SDK1: variants seen among roughly 807,000 people sequenced by gnomAD.
SDK1 encodes sidekick cell adhesion molecule 1, also known as protein sidekick-1.
In SDK1, 157 loss-of-function variants were observed where a neutral mutation model predicts 245.5. The ratio of observed to expected loss-of-function variants is 0.64; its 90% CI spans 0.56 to 0.73. The LOEUF is 0.73. Among genes scored for constraint, SDK1 ranks in the 30% least tolerant of loss-of-function variants. The pLI is 0.00. For missense variants in SDK1, 3,583 were observed against 3,002.3 expected, an observed-to-expected ratio of 1.19 and a Z score of -4.52; for synonymous variants, 1,647 against 1,278.5, an observed-to-expected ratio of 1.29 and a Z score of -6.15.
chr7:3,406,292 G>A (rs539224931), intron 1 of SDK1, among the ~76,000 whole-genome samples: 28 of 152,228 alleles, frequency 1.8e-4, no homozygotes, highest in East Asian at 5.8e-4. Context: ...TTTAAAAACC[G>A]TCTATCTGTA....
chr7:3,875,033 C>G (rs1219986283), intron 5 of SDK1, among the ~76,000 whole-genome samples: 1 of 152,088 alleles, frequency 6.6e-6, no homozygotes, highest in Non-Finnish European at 1.5e-5. Flanking sequence ...GTCTGTGGGG[C>G]TTTATACACG....
At chr7:3,967,736 A>G (rs1488285672) in intron 10 of SDK1, among the ~76,000 whole-genome samples, 2 of 152,096 alleles carry the variant, frequency 1.3e-5, no homozygotes, top group African/African-American at 4.8e-5. Context: ...AGTTCACTGG[A>G]GGGTGTGCGT....
chr7:3,348,100 C>G (rs73048643), intron 1 of SDK1, among the ~76,000 whole-genome samples: 1 of 152,086 alleles, frequency 6.6e-6, no homozygotes, highest in African/African-American at 2.4e-5. Context: ...CTAAATGTCT[C>G]TCACCTCTAA....
At chr7:3,820,263 C>T (rs2115058727) in intron 4 of SDK1, among the ~76,000 whole-genome samples, 1 of 152,330 alleles carries the variant, frequency 6.6e-6, no homozygotes, top group East Asian at 1.9e-4. Flanking sequence ...GATTGTTCTG[C>T]CTCGGCCTCT....
chr7:4,165,461 A>G (rs1487730511), intron 32 of SDK1, among the ~76,000 whole-genome samples: 2 of 152,178 alleles, frequency 1.3e-5, no homozygotes, highest in African/African-American at 2.4e-5. Context: ...TCTTAGTAGG[A>G]CAGTCAATCC....
At chr7:3,676,348 C>T (rs1367890099) in intron 4 of SDK1, among the ~76,000 whole-genome samples, 14 of 131,910 alleles carry the variant, frequency 1.1e-4, no homozygotes, top group East Asian at 4.5e-4. Flanking sequence ...TTTTTTGAGA[C>T]GGAGTCTTGC....
intron 17 of SDK1, among the ~76,000 whole-genome samples, chr7:4,043,169 C>G (rs116282206): frequency 0.01 from 1,566 of 150,656 alleles, 24 homozygotes; most frequent in African/African-American, 0.028. Flanking sequence ...GAGTGAGTAT[C>G]ATAGCCAGGA....
At chr7:3,758,645 G>A (rs1780006535) in intron 4 of SDK1, among the ~76,000 whole-genome samples, 1 of 152,124 alleles carries the variant, frequency 6.6e-6, no homozygotes, top group African/African-American at 2.4e-5. Flanking sequence ...CACTTACTCT[G>A]CACTGTGAGA....
At chr7:4,231,573 CA>C (rs35027378) in intron 40 of SDK1, among the ~76,000 whole-genome samples, 263 of 87,462 alleles carry the variant, frequency 3.0e-3, no homozygotes, top group African/African-American at 6.7e-3. Context: ...GGCCCGGTCT[CA>C]AAAAAAAAAA....
At chr7:3,891,925 T>C (rs187741505) in intron 5 of SDK1, among the ~76,000 whole-genome samples, 35 of 152,342 alleles carry the variant, frequency 2.3e-4, no homozygotes, top group African/African-American at 7.9e-4. Flanking sequence ...CATTTTTTTT[T>C]CCTTATAGCA....
At chr7:3,803,720 T>A (rs1779168789) in intron 4 of SDK1, among the ~76,000 whole-genome samples, 2 of 151,974 alleles carry the variant, frequency 1.3e-5, no homozygotes, top group South Asian at 4.1e-4. Context: ...GATATTTTCT[T>A]CCAGTTTGCA....
intron 1 of SDK1, among the ~76,000 whole-genome samples, chr7:3,376,559 G>A (rs1324402330): frequency 6.6e-6 from 1 of 152,074 alleles, no homozygotes; most frequent in Non-Finnish European, 1.5e-5. Flanking sequence ...AACAATGAGA[G>A]GTCACATTGT....
chr7:3,880,829 T>C (rs1200633402), intron 5 of SDK1, among the ~76,000 whole-genome samples: 1 of 152,068 alleles, frequency 6.6e-6, no homozygotes, highest in Non-Finnish European at 1.5e-5. Context: ...TGAACTGTGA[T>C]CTGACAGTGG....
intron 44 of SDK1, among the ~76,000 whole-genome samples, chr7:4,253,943 A>T (rs899089291): frequency 6.6e-6 from 1 of 152,144 alleles, no homozygotes; most frequent in Non-Finnish European, 1.5e-5. Context: ...TTTTCCAAAT[A>T]TATCATTTTG....
intron 1 of SDK1, among the ~76,000 whole-genome samples, chr7:3,351,201 T>G (rs560389069): frequency 2.0e-5 from 3 of 152,326 alleles, no homozygotes; most frequent in Admixed American, 6.5e-5. Context: ...GGTAGTTGTA[T>G]TGTAATTTCA....
chr7:3,492,852 A>G (rs527491108), intron 1 of SDK1, among the ~76,000 whole-genome samples: 1 of 152,374 alleles, frequency 6.6e-6, no homozygotes, highest in East Asian at 1.9e-4. Context: ...ACTAATGACT[A>G]AAATTTTGAT....
At chr7:3,373,112 T>C (rs1005196259) in intron 1 of SDK1, among the ~76,000 whole-genome samples, 1 of 152,200 alleles carries the variant, frequency 6.6e-6, no homozygotes, top group Non-Finnish European at 1.5e-5. Context: ...GCTATGTCCT[T>C]ATAAACTGAT....
chr7:3,859,333 T>C (rs1780629516), intron 5 of SDK1, among the ~76,000 whole-genome samples: 1 of 152,150 alleles, frequency 6.6e-6, no homozygotes, highest in African/African-American at 2.4e-5. Context: ...GAGGCTGTCA[T>C]TGCATGATGG....
chr7:3,483,666 A>G (rs1430393507), intron 1 of SDK1, among the ~76,000 whole-genome samples: 3 of 152,046 alleles, frequency 2.0e-5, no homozygotes, highest in Non-Finnish European at 4.4e-5. Flanking sequence ...TAAATGTAAT[A>G]TTTTCTCTAA....
Sources: allele counts gnomAD v4.1 joint callset (sites outside exome capture counted in the v4.1 genomes callset), GRCh38; gene constraint gnomAD v4.1.1; transcripts MANE v1.5; gene names NCBI Gene and HGNC (gene_info 2026-07-23, HGNC 2026-07-21).